SNX9: variants seen among roughly 807,000 people sequenced by gnomAD.
SNX9 encodes sorting nexin 9.
In SNX9, 44 loss-of-function variants were observed where a neutral mutation model predicts 89.4. The ratio of observed to expected loss-of-function variants is 0.49; its 90% CI spans 0.39 to 0.63. The LOEUF (loss-of-function observed/expected upper bound fraction) is 0.63, where lower values mean the gene tolerates loss of function less well. Among genes scored for constraint, SNX9 ranks in the 30% least tolerant of loss-of-function variants. The pLI is 0.00. For missense variants in SNX9, 578 were observed against 736.1 expected, an observed-to-expected ratio of 0.79 and a Z score of 2.49; for synonymous variants, 236 against 247.8, an observed-to-expected ratio of 0.95 and a Z score of 0.45.
chr6:157,938,730 T>C lies in SNX9; in HGVS notation c.1631T>C (p.Met544Thr). Residue 544 changes from methionine to threonine, a missense_variant, in exon 16 of 18, where the codon ATG becomes ACG. Met to Thr is a moderately conservative substitution (Grantham distance 81). Around this residue, in one of 2 missense-constraint regions of SNX9, gnomAD observed 348 missense variants for 491.4 expected, o/e 0.71. Coordinates refer to ENST00000392185, the MANE Select transcript of SNX9 (RefSeq NM_016224.5). Reference protein sequence around the residue: ...KQNMVKRVSIMSYALQAEMNH... With the variant: ...KQNMVKRVSITSYALQAEMNH... ...AACATGGTGAAGAGAGTCAGCATCA[T>C]GTCTTACGCGTTGCAAGGTAAGATG... 6.2e-7 allele frequency: 1 copy of C among 1,613,782 alleles called. No individual in the cohort carries two copies. Among genetic ancestry groups the C allele is most frequent in the Non-Finnish European group, 8.5e-7 (1 of 1,179,814 alleles).
chr6:157,873,897 C>G (rs1011951101), intron 3 of SNX9, among the ~76,000 whole-genome samples: 1 of 152,126 alleles, frequency 6.6e-6, no homozygotes, highest in African/African-American at 2.4e-5. Flanking sequence ...TGGGACACCC[C>G]CAAGCTGAGC....
intron 17 of SNX9, among the ~76,000 whole-genome samples, chr6:157,941,555 G>A (rs1784036135): frequency 6.6e-6 from 1 of 152,172 alleles, no homozygotes; most frequent in Non-Finnish European, 1.5e-5. Context: ...CAAAAATCTA[G>A]TAGCATGTCT....
At chr6:157,918,340 TATATC>T (rs1295856890) in intron 9 of SNX9, among the ~76,000 whole-genome samples, 1 of 152,178 alleles carries the variant, frequency 6.6e-6, no homozygotes, top group Non-Finnish European at 1.5e-5. Flanking sequence ...AGTGACCTCT[TATATC>T]ATGAGGTGTC....
chr6:157,942,966 A>C lies in SNX9; in HGVS notation c.*128A>C. 1.1e-6 allele frequency: 1 copy of C among 948,552 alleles called. No individual in the cohort carries two copies. Among genetic ancestry groups the C allele is most frequent in the Non-Finnish European group, 1.5e-6 (1 of 645,714 alleles). 58.8% of individuals were successfully genotyped at this position (948,552 alleles called of 1,614,324 possible). ...AAACCAAAAAGAAAGAGTTGCAAAAAACTGCATTTATTTTATTAGCCACCC... is the reference window on the plus strand; with the variant it reads ...AAACCAAAAAGAAAGAGTTGCAAAACACTGCATTTATTTTATTAGCCACCC... On this transcript the variant is annotated 3_prime_UTR_variant, in exon 18 of 18. Coordinates refer to ENST00000392185, the MANE Select transcript of SNX9 (RefSeq NM_016224.5).
At chr6:157,857,459 T>TA (rs888445729) in intron 1 of SNX9, among the ~76,000 whole-genome samples, 7 of 151,768 alleles carry the variant, frequency 4.6e-5, no homozygotes, top group East Asian at 3.9e-4. Flanking sequence ...TTACCTTTTT[T>TA]AAAAAAAAAT....
chr6:157,880,117 G>A (rs1025065167), intron 4 of SNX9, among the ~76,000 whole-genome samples: 1 of 152,216 alleles, frequency 6.6e-6, no homozygotes, highest in African/African-American at 2.4e-5. Context: ...GTCCCCAGGT[G>A]AGTGGTGTGG....
intron 1 of SNX9, among the ~76,000 whole-genome samples, chr6:157,827,739 T>C (rs1275073447): frequency 6.6e-6 from 1 of 150,992 alleles, no homozygotes; most frequent in Non-Finnish European, 1.5e-5. Flanking sequence ...GGTTAATCCA[T>C]ATCTATATAA....
intron 10 of SNX9, among the ~76,000 whole-genome samples, chr6:157,922,796 G>C (rs987328079): frequency 6.6e-6 from 1 of 152,202 alleles, no homozygotes; most frequent in African/African-American, 2.4e-5. Flanking sequence ...ATTTGTATAT[G>C]TTTATGGTGA....
At chr6:157,833,353 A>G (rs3805763) in intron 1 of SNX9, among the ~76,000 whole-genome samples, 131 of 152,300 alleles carry the variant, frequency 8.6e-4, no homozygotes, top group East Asian at 3.3e-3. Flanking sequence ...CCAAACTTAT[A>G]TACCTTCTGT....
At chr6:157,825,075 C>T (rs556789035) in intron 1 of SNX9, among the ~76,000 whole-genome samples, 1 of 152,128 alleles carries the variant, frequency 6.6e-6, no homozygotes, top group African/African-American at 2.4e-5. Context: ...TGGTGAAACC[C>T]TGTCTCTACT....
intron 1 of SNX9, among the ~76,000 whole-genome samples, chr6:157,826,835 T>A (rs1381194338): frequency 8.7e-6 from 1 of 114,568 alleles, no homozygotes; most frequent in Non-Finnish European, 1.6e-5. Context: ...ATATTTTATA[T>A]ATATATTATA....
chr6:157,865,412 A>G (rs1194495523), intron 1 of SNX9, among the ~76,000 whole-genome samples: 1 of 151,356 alleles, frequency 6.6e-6, no homozygotes, highest in Non-Finnish European at 1.5e-5. Context: ...CCATGTCAGG[A>G]AAACACCTCA....
rs1459104963 is a variant in SNX9 at position 157,944,212 on chromosome 6, A to G, written c.*1374A>G. ...CCGCTGCTTTCATTTTTCTGACCTA[A>G]TAATTACGGGAAATGGAAAGTCTGG... is the stretch of plus-strand genomic sequence containing the variant. On this transcript the variant is annotated 3_prime_UTR_variant, in exon 18 of 18. Coordinates refer to ENST00000392185, the MANE Select transcript of SNX9 (RefSeq NM_016224.5). 4.6e-5 allele frequency: 7 copies of G among 152,508 alleles called. No homozygotes were observed. 9.4% of individuals were successfully genotyped at this position (152,508 alleles called of 1,614,324 possible).
At chr6:157,868,881 C>G (rs1356578838) in intron 2 of SNX9, among the ~76,000 whole-genome samples, 1 of 152,206 alleles carries the variant, frequency 6.6e-6, no homozygotes, top group Non-Finnish European at 1.5e-5. Context: ...GTGACACTGC[C>G]CTGTGCATGC....
intron 13 of SNX9, among the ~76,000 whole-genome samples, chr6:157,935,405 G>T (rs561478714): frequency 6.6e-6 from 1 of 152,154 alleles, no homozygotes; most frequent in Non-Finnish European, 1.5e-5. Context: ...AATAGCCAGT[G>T]TGAAGAGAAC....
At chr6:157,936,964 T>C (rs1032546111) in intron 14 of SNX9, among the ~76,000 whole-genome samples, 3 of 150,372 alleles carry the variant, frequency 2.0e-5, no homozygotes, top group African/African-American at 7.4e-5. Flanking sequence ...TGGGCTACTT[T>C]GCTGATACTT....
Position 157,850,698 on chromosome 6 carries a change from C to A in SNX9, c.13-16849C>A, listed in dbSNP as rs566844584. On this transcript the variant is annotated intron_variant, in intron 1 of 17. Coordinates refer to ENST00000392185, the MANE Select transcript of SNX9 (RefSeq NM_016224.5). ...ATAGTGGTGTTTCATTGTCAAGCTCCATACATCTGATAATGCTTGGTGACT... is the reference window on the plus strand; with the variant it reads ...ATAGTGGTGTTTCATTGTCAAGCTCAATACATCTGATAATGCTTGGTGACT... Among the ~76,000 whole-genome samples the A allele has an allele frequency of 3.9e-5, 6 of 152,236 alleles. No individual in the cohort carries two copies. In the South Asian group the frequency reaches 8.3e-4, roughly 21 times the overall value.
intron 1 of SNX9, among the ~76,000 whole-genome samples, chr6:157,864,504 G>A (rs923413282): frequency 6.6e-6 from 1 of 152,140 alleles, no homozygotes; most frequent in African/African-American, 2.4e-5. Context: ...TAAACAAGAG[G>A]CTTAGGTATT....
intron 1 of SNX9, among the ~76,000 whole-genome samples, chr6:157,826,319 A>G (rs1237931919): frequency 6.6e-6 from 1 of 151,958 alleles, no homozygotes; most frequent in Non-Finnish European, 1.5e-5. Flanking sequence ...TAACACGGTG[A>G]AACTCCATCT....
Sources: gnomAD v4.1 joint callset for allele counts (sites outside exome capture counted in the v4.1 genomes callset) on GRCh38, gnomAD v4.1.1 for gene constraint, gnomAD v4.1.1 regional missense constraint, MANE v1.5 for transcripts, NCBI Gene and HGNC (gene_info 2026-07-23, HGNC 2026-07-21) for gene names.